The following CSMD1 variants were observed in gnomAD, a reference collection of about 807,000 sequenced individuals.
CSMD1 encodes the protein CUB and sushi domain-containing protein 1.
A neutral mutation model predicts 417.5 loss-of-function variants in CSMD1; 213 were observed. That is an observed-to-expected ratio of 0.51 (90% confidence interval 0.46 to 0.57). The LOEUF (loss-of-function observed/expected upper bound fraction) is 0.57. Ranked by LOEUF, CSMD1 falls within the 20% of genes least tolerant of loss-of-function variation. CSMD1 has a pLI of 0.00. For synonymous variants in CSMD1, 2,862 were observed against 1,736.8 expected, an observed-to-expected ratio of 1.65 and a Z score of -16.11; for missense variants, 6,923 against 4,529.7, an observed-to-expected ratio of 1.53 and a Z score of -15.17.
intron 3 of CSMD1, among the ~76,000 whole-genome samples, chr8:4,207,070 T>A (rs962864944): frequency 1.3e-5 from 2 of 152,192 alleles, no homozygotes; most frequent in Admixed American, 6.5e-5. Context: ...GCAAGAGGTG[T>A]ATTATGAATG....
At chr8:3,683,503 C>G (rs147984351) in intron 7 of CSMD1, among the ~76,000 whole-genome samples, 377 of 152,286 alleles carry the variant, frequency 2.5e-3, no homozygotes, top group African/African-American at 8.6e-3. Context: ...CAGCCCTCCT[C>G]TCACTTGGAG....
At chr8:4,687,490 G>A (rs1316410503) in intron 1 of CSMD1, among the ~76,000 whole-genome samples, 1 of 152,216 alleles carries the variant, frequency 6.6e-6, no homozygotes, top group Non-Finnish European at 1.5e-5. Flanking sequence ...GCAAATTGTA[G>A]AAGAGATGCC....
intron 5 of CSMD1, among the ~76,000 whole-genome samples, chr8:3,949,005 T>G (rs995197913): frequency 2.0e-5 from 3 of 152,160 alleles, no homozygotes; most frequent in Admixed American, 6.5e-5. Flanking sequence ...ACAATTAAAA[T>G]GTATTAAATC....
At chr8:4,420,479 G>A (rs895594613) in intron 2 of CSMD1, among the ~76,000 whole-genome samples, 6 of 151,886 alleles carry the variant, frequency 4.0e-5, no homozygotes, top group African/African-American at 4.8e-5. Context: ...AACCCATCAC[G>A]TCGGTATGAA....
intron 2 of CSMD1, among the ~76,000 whole-genome samples, chr8:4,447,519 C>CT (rs1798884483): frequency 6.6e-6 from 1 of 152,174 alleles, no homozygotes; most frequent in Non-Finnish European, 1.5e-5. Flanking sequence ...TGGAGAGGCT[C>CT]TAATCCAAAT....
At chr8:4,032,934 A>C (rs1177676725) in intron 3 of CSMD1, among the ~76,000 whole-genome samples, 2 of 152,014 alleles carry the variant, frequency 1.3e-5, no homozygotes, top group Non-Finnish European at 2.9e-5. Context: ...TCCCTGTTGG[A>C]ATTACTGATA....
At chr8:4,464,874 T>G (rs192207762) in intron 2 of CSMD1, among the ~76,000 whole-genome samples, 41 of 152,194 alleles carry the variant, frequency 2.7e-4, no homozygotes, top group African/African-American at 8.7e-4. Context: ...GTTTTATTAG[T>G]TTTTTATTAG....
intron 26 of CSMD1, among the ~76,000 whole-genome samples, chr8:3,254,753 A>T (rs1800521197): frequency 6.6e-6 from 1 of 151,930 alleles, no homozygotes; most frequent in Non-Finnish European, 1.5e-5. Flanking sequence ...TGCATTGGTT[A>T]TTCTAGTTAG....
At chr8:4,899,497 T>A (rs1240963444) in intron 1 of CSMD1, among the ~76,000 whole-genome samples, 3 of 152,166 alleles carry the variant, frequency 2.0e-5, no homozygotes, top group Admixed American at 2.0e-4. Flanking sequence ...CCCAATATGT[T>A]AGATCTCATT....
At chr8:4,014,081 A>G (rs1293869165) in intron 4 of CSMD1, among the ~76,000 whole-genome samples, 1 of 152,232 alleles carries the variant, frequency 6.6e-6, no homozygotes, top group Non-Finnish European at 1.5e-5. Flanking sequence ...ACTTTTGAGC[A>G]TCATTTCAAT....
intron 7 of CSMD1, among the ~76,000 whole-genome samples, chr8:3,673,366 G>C (rs918376642): frequency 1.3e-5 from 2 of 152,182 alleles, no homozygotes; most frequent in Non-Finnish European, 2.9e-5. Flanking sequence ...TCATGATTCA[G>C]TATTGGAAAA....
intron 2 of CSMD1, among the ~76,000 whole-genome samples, chr8:4,523,785 G>T (rs1281406511): frequency 6.6e-6 from 1 of 152,236 alleles, no homozygotes; most frequent in Non-Finnish European, 1.5e-5. Context: ...TGTATGCAGA[G>T]CAATGTATAC....
intron 6 of CSMD1, among the ~76,000 whole-genome samples, chr8:3,724,328 C>G (rs1024671877): frequency 4.6e-5 from 7 of 151,978 alleles, no homozygotes; most frequent in Non-Finnish European, 1.0e-4. Flanking sequence ...AGGTATATCT[C>G]CCAATGCTAT....
chr8:4,252,982 A>G (rs1306019922), intron 3 of CSMD1, among the ~76,000 whole-genome samples: 1 of 152,226 alleles, frequency 6.6e-6, no homozygotes, highest in African/African-American at 2.4e-5. Context: ...CAGTAAGCCT[A>G]TGAGTTTTAA....
intron 5 of CSMD1, among the ~76,000 whole-genome samples, chr8:3,937,378 CT>C (rs1026147352): frequency 3.9e-5 from 6 of 152,104 alleles, no homozygotes; most frequent in African/African-American, 1.4e-4. Flanking sequence ...ACGTGGTAAA[CT>C]TTACTGTTGT....
chr8:3,991,549 T>A (rs138931304), intron 5 of CSMD1, among the ~76,000 whole-genome samples: 1 of 152,240 alleles, frequency 6.6e-6, no homozygotes, highest in African/African-American at 2.4e-5. Flanking sequence ...TACTGTCTAG[T>A]GAATAATGCT....
At chr8:4,748,792 G>A (rs1015423511) in intron 1 of CSMD1, among the ~76,000 whole-genome samples, 9 of 152,294 alleles carry the variant, frequency 5.9e-5, no homozygotes, top group South Asian at 2.1e-4. Flanking sequence ...ATTTAGTAGC[G>A]TGTTAGCATC....
At chr8:4,229,492 A>AT (rs567371848) in intron 3 of CSMD1, among the ~76,000 whole-genome samples, 12 of 152,286 alleles carry the variant, frequency 7.9e-5, no homozygotes, top group African/African-American at 2.9e-4. Flanking sequence ...AAGAAAGAAC[A>AT]TTTTGTCTTC....
intron 3 of CSMD1, among the ~76,000 whole-genome samples, chr8:4,351,469 G>C (rs1393112055): frequency 6.6e-6 from 1 of 152,204 alleles, no homozygotes; most frequent in South Asian, 2.1e-4. Context: ...GAGTTCCATA[G>C]CTATTACTGT....
Sources: allele counts gnomAD v4.1 joint callset (sites outside exome capture counted in the v4.1 genomes callset), GRCh38; gene constraint gnomAD v4.1.1; transcripts MANE v1.5; gene names NCBI Gene and HGNC (gene_info 2026-07-23, HGNC 2026-07-21).